Variants in DGKG observed in about 807,000 individuals in gnomAD.
DGKG encodes DAG kinase gamma.
In DGKG, 78 loss-of-function variants were observed where a neutral mutation model predicts 105.3. That is an observed-to-expected ratio of 0.74 (90% CI 0.62 to 0.89). The LOEUF is 0.89. Among genes scored for constraint, DGKG ranks in the 40% least tolerant of loss-of-function variants. DGKG has a pLI of 0.00. For missense variants in DGKG, 958 were observed against 1,020.1 expected (o/e 0.94, Z 0.83); for synonymous variants, 346 against 367.1 (o/e 0.94, Z 0.66).
chr3:186,217,535 A>C (rs1719356071), intron 20 of DGKG, among the ~76,000 whole-genome samples: 2 of 152,266 alleles, frequency 1.3e-5, no homozygotes, highest in Non-Finnish European at 2.9e-5. Context: ...GCTTATAAGA[A>C]AATAACATCA....
At chr3:186,172,625 G>T (rs1344442651) in intron 22 of DGKG, among the ~76,000 whole-genome samples, 1 of 152,238 alleles carries the variant, frequency 6.6e-6, no homozygotes, top group Non-Finnish European at 1.5e-5. Flanking sequence ...CAATGCTCAT[G>T]TTGAGCTCTT....
chr3:186,148,147 C>T lies in DGKG; in HGVS notation c.*1943G>A. 4.1e-6 allele frequency: 4 copies of T among 985,410 alleles called. No individual in the cohort carries two copies. Among genetic ancestry groups the T allele is most frequent in the Non-Finnish European group, 4.8e-6 (4 of 829,962 alleles). The allele number at this position is 985,410 out of a possible 1,614,324, so 61.0% of individuals were successfully genotyped here. On this transcript the variant is annotated 3_prime_UTR_variant, in exon 25 of 25. Transcript: ENST00000265022. ...TAAATCTCAGAGAGGGATGGAGGCCCAATGAAGCTCTGCATGGCCTTGCCC... is the reference window on the plus strand; with the variant it reads ...TAAATCTCAGAGAGGGATGGAGGCCTAATGAAGCTCTGCATGGCCTTGCCC...
intron 22 of DGKG, among the ~76,000 whole-genome samples, chr3:186,181,501 G>A (rs1717356150): frequency 6.6e-6 from 1 of 152,226 alleles, no homozygotes; most frequent in South Asian, 2.1e-4. Flanking sequence ...TGGAGGCCGA[G>A]GTGGGCGAAT....
At chr3:186,295,446 G>C (rs1370795923) in intron 5 of DGKG, among the ~76,000 whole-genome samples, 1 of 151,588 alleles carries the variant, frequency 6.6e-6, no homozygotes, top group Non-Finnish European at 1.5e-5. Context: ...AGGTCTCAGG[G>C]AGCTGAGATT....
chr3:186,320,782 A>G (rs1725040096), intron 1 of DGKG, 75 bp from the exon 2 acceptor site: 1 of 263,372 alleles, frequency 3.8e-6, no homozygotes, highest in Non-Finnish European at 7.2e-6. Flanking sequence ...TTGCTGAAAG[A>G]TCTACAGGGG....
chr3:186,170,869 C>T (rs1388591592), intron 22 of DGKG, among the ~76,000 whole-genome samples: 1 of 152,176 alleles, frequency 6.6e-6, no homozygotes, highest in African/African-American at 2.4e-5. Context: ...TTTACACTTC[C>T]TGTAAAAGTC....
At chr3:186,235,066 T>A (rs1031307737) in intron 20 of DGKG, among the ~76,000 whole-genome samples, 2 of 152,212 alleles carry the variant, frequency 1.3e-5, no homozygotes, top group African/African-American at 4.8e-5. Flanking sequence ...CATATTTCAT[T>A]CATTTTACTC....
intron 21 of DGKG, among the ~76,000 whole-genome samples, chr3:186,200,052 T>C (rs1718374042): frequency 2.6e-5 from 4 of 152,174 alleles, no homozygotes; most frequent in Admixed American, 2.6e-4. Context: ...AACAGGAATT[T>C]GATTTTTCAT....
At chr3:186,330,871 G>A (rs902082697) in intron 1 of DGKG, among the ~76,000 whole-genome samples, 1 of 152,174 alleles carries the variant, frequency 6.6e-6, no homozygotes, top group Non-Finnish European at 1.5e-5. Context: ...ACACATAGAC[G>A]AATAACATAA....
intron 14 of DGKG, among the ~76,000 whole-genome samples, chr3:186,264,275 T>A (rs1422931944): frequency 6.6e-6 from 1 of 152,188 alleles, no homozygotes; most frequent in East Asian, 1.9e-4. Context: ...TTTCTTTTTT[T>A]TCTTTTGAGA....
At chr3:186,239,113 A>T (rs1720555953) in intron 20 of DGKG, among the ~76,000 whole-genome samples, 1 of 152,232 alleles carries the variant, frequency 6.6e-6, no homozygotes, top group African/African-American at 2.4e-5. Flanking sequence ...AATTCTTGTT[A>T]GAATAGCCAA....
chr3:186,265,299 G>C lies in DGKG; in HGVS notation c.1217C>G (p.Pro406Arg), dbSNP rs1721992968. The change falls in exon 14 of 25, where the codon CCA (proline) becomes CGA (arginine). Residue 406 changes from proline to arginine, a missense_variant. Around this residue, in one of 2 missense-constraint regions of DGKG, gnomAD observed 643 missense variants for 619.5 expected, o/e 1.04. Transcript: ENST00000265022. ...TSICPITRDRPGEKSDGCVSA... is the reference protein window; with the variant it reads ...TSICPITRDRRGEKSDGCVSA... ...CACGCAGCCATCAGACTTCTCACCT[G>C]GCCTGTCCTGTGACAAGAAAGGAAA... The C allele has an allele frequency of 6.2e-7, 1 of 1,614,010 alleles. No individual in the cohort carries two copies. Among genetic ancestry groups the C allele is most frequent in the Admixed American group, 1.7e-5 (1 of 59,994 alleles).
intron 20 of DGKG, among the ~76,000 whole-genome samples, chr3:186,223,010 A>AATATATATATATATATATATATAT (rs1194415419): frequency 9.7e-5 from 1 of 10,274 alleles, no homozygotes; most frequent in Non-Finnish European, 2.3e-4. Flanking sequence ...GTGTATGTAT[A>AATATATATATATATATATATATAT]CTATATATAT....
Position 186,336,237 on chromosome 3 carries a change from A to G in DGKG, c.-248-15530T>C, listed in dbSNP as rs1233209040. Reference sequence around the variant, plus strand: ...CATTTCTGTCCTTTCCCTTCCACGAAGGGTGATCCCAAGCGTACTCCCTAA... The same window carrying G: ...CATTTCTGTCCTTTCCCTTCCACGAGGGGTGATCCCAAGCGTACTCCCTAA... On this transcript the variant is annotated intron_variant, in intron 1 of 24. Transcript: ENST00000265022. Among the ~76,000 whole-genome samples, 8 of 152,288 alleles carry G rather than the reference A, an allele frequency of 5.3e-5. No individual in the cohort carries two copies. In the South Asian group the frequency reaches 1.2e-3, roughly 24 times the overall value.
At chr3:186,175,950 C>G (rs944422758) in intron 22 of DGKG, among the ~76,000 whole-genome samples, 5 of 152,168 alleles carry the variant, frequency 3.3e-5, no homozygotes, top group African/African-American at 1.2e-4. Flanking sequence ...AGAAACTTGC[C>G]TAATATCAGA....
intron 7 of DGKG, among the ~76,000 whole-genome samples, chr3:186,281,456 T>C (rs1022210418): frequency 5.3e-5 from 8 of 152,202 alleles, no homozygotes; most frequent in Non-Finnish European, 1.2e-4. Context: ...AAGAGGCATT[T>C]GGTGTCAAAG....
chr3:186,199,544 G>C (rs1215866359), intron 21 of DGKG, among the ~76,000 whole-genome samples: 1 of 151,768 alleles, frequency 6.6e-6, no homozygotes, highest in African/African-American at 2.4e-5. Flanking sequence ...ACAGAGTCTT[G>C]CTCTGTAGCC....
chr3:186,150,623 C>T (rs1272458697), intron 24 of DGKG, among the ~76,000 whole-genome samples: 1 of 152,222 alleles, frequency 6.6e-6, no homozygotes, highest in East Asian at 1.9e-4. Context: ...GTCATTCCTG[C>T]CAAGGCAGTG....
intron 20 of DGKG, among the ~76,000 whole-genome samples, chr3:186,214,044 C>A (rs916146303): frequency 2.6e-5 from 4 of 152,280 alleles, no homozygotes; most frequent in African/African-American, 9.6e-5. Flanking sequence ...AATATCACTG[C>A]TGGCCTGAAT....
Sources: allele counts gnomAD v4.1 joint callset (sites outside exome capture counted in the v4.1 genomes callset), GRCh38; gene constraint gnomAD v4.1.1; regional missense constraint gnomAD v4.1.1; transcripts MANE v1.5; gene names NCBI Gene and HGNC (gene_info 2026-07-23, HGNC 2026-07-21).